The following VPS13B variants were observed in gnomAD, a reference collection of about 807,000 sequenced individuals.
VPS13B encodes the protein vacuolar protein sorting 13 homolog B.
A neutral mutation model predicts 426.4 loss-of-function variants in VPS13B; 285 were observed. The observed-to-expected ratio is 0.67, with a 90% CI of 0.61 to 0.74. The LOEUF is 0.74. VPS13B is among the 30% of genes least tolerant of loss of function. The pLI is 0.00. For synonymous variants in VPS13B, 1,676 were observed against 1,676.4 expected, an observed-to-expected ratio of 1.00 and a Z score of 0.01; for missense variants, 4,537 against 4,782.6, an observed-to-expected ratio of 0.95 and a Z score of 1.51.
At position 99,458,901 on chromosome 8, in the gene VPS13B, A is replaced by T. The variant is rs868570029; in HGVS notation, c.3446-8513A>T. On this transcript the variant is annotated intron_variant, in intron 23 of 61. Coordinates refer to ENST00000357162, the MANE Select transcript of VPS13B (RefSeq NM_152564.5). ...TCACTCTGATGGTAGTTTCTTTTGC[A>T]GTGCAGAAGCTCTTTAGTTTAATTA... is the stretch of plus-strand genomic sequence containing the variant. Among the ~76,000 whole-genome samples, 433 of 152,082 alleles carry T rather than the reference A, an allele frequency of 2.8e-3. 3 individuals carry two copies. The highest frequency in any genetic ancestry group is 4.2e-3 in the African/African-American group (174 of 41,530).
chr8:99,770,983 G>T (rs1476964310), intron 40 of VPS13B, among the ~76,000 whole-genome samples: 1 of 152,182 alleles, frequency 6.6e-6, no homozygotes, highest in Non-Finnish European at 1.5e-5. Context: ...AGCCTGGCAG[G>T]TTCCCTGGGT....
chr8:99,112,720 G>T (rs1847428596), intron 6 of VPS13B, among the ~76,000 whole-genome samples: 1 of 152,088 alleles, frequency 6.6e-6, no homozygotes, highest in African/African-American at 2.4e-5. Flanking sequence ...GCAAGTAATG[G>T]ATATATGGAA....
At chr8:99,628,127 T>C (rs1478189052) in intron 33 of VPS13B, among the ~76,000 whole-genome samples, 1 of 152,254 alleles carries the variant, frequency 6.6e-6, no homozygotes, top group Non-Finnish European at 1.5e-5. Context: ...AAAGGAAAGC[T>C]GTGAACAAAG....
intron 15 of VPS13B, among the ~76,000 whole-genome samples, chr8:99,161,991 C>G (rs1175641307): frequency 6.6e-6 from 1 of 152,164 alleles, no homozygotes; most frequent in Non-Finnish European, 1.5e-5. Context: ...ACCTCGACCT[C>G]CCAAAGTGCT....
chr8:99,339,085 A>G (rs1811088780), intron 19 of VPS13B, among the ~76,000 whole-genome samples: 4 of 152,198 alleles, frequency 2.6e-5, no homozygotes. Flanking sequence ...TAGTATACAT[A>G]TGTATGCACA....
At chr8:99,661,594 A>G (rs1830225716) in intron 35 of VPS13B, 103 bp downstream of exon 35, 23 of 1,420,848 alleles carry the variant, frequency 1.6e-5, no homozygotes, top group Admixed American at 1.9e-5. Flanking sequence ...GCAAAAAATG[A>G]ATAGTTCATT....
intron 19 of VPS13B, among the ~76,000 whole-genome samples, chr8:99,320,660 A>C (rs1809926417): frequency 6.6e-6 from 1 of 152,226 alleles, no homozygotes; most frequent in Non-Finnish European, 1.5e-5. Flanking sequence ...GAAAGCATTT[A>C]ATCTGTAAAT....
intron 23 of VPS13B, among the ~76,000 whole-genome samples, chr8:99,446,414 T>A (rs1399517180): frequency 6.6e-6 from 1 of 152,162 alleles, no homozygotes; most frequent in African/African-American, 2.4e-5. Flanking sequence ...TCTTTAAGGA[T>A]CTTCTCAGTC....
intron 43 of VPS13B, among the ~76,000 whole-genome samples, chr8:99,788,676 G>T (rs777308510): frequency 6.6e-6 from 1 of 152,102 alleles, no homozygotes; most frequent in African/African-American, 2.4e-5. Flanking sequence ...GTATTTATGG[G>T]CAATAACATT....
intron 17 of VPS13B, among the ~76,000 whole-genome samples, chr8:99,225,998 G>T (rs1360131433): frequency 1.3e-5 from 2 of 152,032 alleles, no homozygotes; most frequent in African/African-American, 4.8e-5. Flanking sequence ...AGGCTGGAGT[G>T]CAGTGGTGCG....
chr8:99,703,023 C>G (rs2130206727), intron 36 of VPS13B, among the ~76,000 whole-genome samples: 1 of 152,156 alleles, frequency 6.6e-6, no homozygotes, highest in African/African-American at 2.4e-5. Context: ...CTGTCATAAG[C>G]TTACAGGAAG....
At chr8:99,280,506 A>C (rs1450660939) in intron 19 of VPS13B, among the ~76,000 whole-genome samples, 1 of 152,236 alleles carries the variant, frequency 6.6e-6, no homozygotes, top group African/African-American at 2.4e-5. Flanking sequence ...CAAAGAATGC[A>C]TGAGAAATCG....
At chr8:99,524,931 G>A (rs760039814) in intron 30 of VPS13B, among the ~76,000 whole-genome samples, 46 of 152,144 alleles carry the variant, frequency 3.0e-4, no homozygotes, top group Non-Finnish European at 5.4e-4. Context: ...AATTGTATAC[G>A]CAGTGAGAAT....
intron 29 of VPS13B, among the ~76,000 whole-genome samples, chr8:99,518,690 A>T (rs575395384): frequency 7.1e-4 from 108 of 152,182 alleles, no homozygotes; most frequent in African/African-American, 2.5e-3. Context: ...CTTAATTCTG[A>T]CGTTCTTTCC....
chr8:99,303,195 G>A (rs202135545), intron 19 of VPS13B, among the ~76,000 whole-genome samples: 3 of 141,314 alleles, frequency 2.1e-5, no homozygotes, highest in Admixed American at 7.4e-5. Context: ...CAGGAGAATC[G>A]CTTGAACCTG....
At chr8:99,408,394 G>T (rs576209247) in intron 21 of VPS13B, among the ~76,000 whole-genome samples, 8 of 152,222 alleles carry the variant, frequency 5.3e-5, no homozygotes, top group African/African-American at 1.9e-4. Flanking sequence ...TTTTAAGATA[G>T]AGCCAACAGA....
chr8:99,720,464 A>G lies in VPS13B; in HGVS notation c.6777A>G (p.Ser2259=), dbSNP rs1833090480. ...TTTCTGAACCAGTGCCTCAAATGTC[A>G]TCTCCTGTGGAAAAGAATCAGACAT... is the stretch of plus-strand genomic sequence containing the variant. ...VQVSEPVPQM[S]SPVEKNQTFK... The change falls in exon 38 of 62, where the codon TCA becomes TCG. Residue 2259 remains serine, a synonymous_variant. Coordinates refer to ENST00000357162, the MANE Select transcript of VPS13B (RefSeq NM_152564.5). 6.2e-7 allele frequency: 1 copy of G among 1,613,936 alleles called. No individual in the cohort carries two copies. The highest frequency in any genetic ancestry group is 1.3e-5 in the African/African-American group (1 of 74,926).
chr8:99,432,436 C>T (rs185357481), intron 22 of VPS13B, among the ~76,000 whole-genome samples: 1 of 152,138 alleles, frequency 6.6e-6, no homozygotes, highest in East Asian at 1.9e-4. Context: ...CTATATTAAG[C>T]CCATAGAGAT....
At chr8:99,715,832 A>G (rs567990441) in intron 36 of VPS13B, among the ~76,000 whole-genome samples, 1 of 152,272 alleles carries the variant, frequency 6.6e-6, no homozygotes, top group South Asian at 2.1e-4. Flanking sequence ...CATTTAGCAA[A>G]TATTTACTTT....
Sources: allele counts gnomAD v4.1 joint callset (sites outside exome capture counted in the v4.1 genomes callset), GRCh38; gene constraint gnomAD v4.1.1; transcripts MANE v1.5; gene names NCBI Gene and HGNC (gene_info 2026-07-23, HGNC 2026-07-21).